The following UPP2 variants were observed in gnomAD, a reference collection of about 807,000 sequenced individuals.
The protein encoded by UPP2 is uridine phosphorylase 2.
Under a neutral mutation model 26.7 loss-of-function variants are expected in UPP2, and 23 were observed. The observed-to-expected ratio is 0.86, with a 90% CI of 0.62 to 1.22. The LOEUF is 1.22. Ranked by LOEUF, UPP2 falls within the 50% of genes most tolerant of loss-of-function variation. UPP2 has a pLI of 0.00. For missense variants in UPP2, 387 were observed against 396.7 expected, an observed-to-expected ratio of 0.98 and a Z score of 0.21; for synonymous variants, 127 against 141.3, an observed-to-expected ratio of 0.90 and a Z score of 0.72.
intron 3 of UPP2, among the ~76,000 whole-genome samples, chr2:158,087,577 G>A (rs181116479): frequency 6.6e-6 from 1 of 151,970 alleles, no homozygotes; most frequent in Non-Finnish European, 1.5e-5. Context: ...TTGTGCTTTT[G>A]TTATATAGAT....
At chr2:158,027,215 T>G (rs973810975) in intron 3 of UPP2, among the ~76,000 whole-genome samples, 4 of 152,212 alleles carry the variant, frequency 2.6e-5, no homozygotes, top group Non-Finnish European at 5.9e-5. Flanking sequence ...AAGTCTCATC[T>G]GAGACAAGGC....
chr2:158,056,786 A>G (rs1682252668), intron 3 of UPP2, among the ~76,000 whole-genome samples: 1 of 152,238 alleles, frequency 6.6e-6, no homozygotes, highest in Non-Finnish European at 1.5e-5. Flanking sequence ...TTACACTGCA[A>G]TGACCTTATT....
At chr2:158,044,077 A>C (rs1208892583) in intron 3 of UPP2, among the ~76,000 whole-genome samples, 1 of 152,234 alleles carries the variant, frequency 6.6e-6, no homozygotes, top group Non-Finnish European at 1.5e-5. Context: ...GATATAATTA[A>C]GCTCTAAAGT....
At chr2:158,042,969 A>T (rs1453294851) in intron 3 of UPP2, among the ~76,000 whole-genome samples, 9 of 152,244 alleles carry the variant, frequency 5.9e-5, no homozygotes, top group Non-Finnish European at 1.3e-4. Context: ...CGCAAAGAGC[A>T]AAGCCAAATG....
intron 3 of UPP2, among the ~76,000 whole-genome samples, chr2:158,027,609 C>G (rs1683854192): frequency 6.6e-6 from 1 of 152,128 alleles, no homozygotes; most frequent in Admixed American, 6.5e-5. Flanking sequence ...ATTCTGGAGT[C>G]TGGAGGATGG....
rs566974527 is a variant in UPP2, at chr2:157,997,240, C to T, written c.61+1981C>T. Among the ~76,000 whole-genome samples, 3 of 152,138 alleles carry T rather than the reference C, an allele frequency of 2.0e-5. No individual in the cohort carries two copies. In the South Asian group the frequency reaches 6.2e-4, roughly 32 times the overall value. ...CACTACATAATATTTTGTGTTTGGACCTCCTATTTTTTTTTATTTTTATTT... is the reference window on the plus strand; with the variant it reads ...CACTACATAATATTTTGTGTTTGGATCTCCTATTTTTTTTTATTTTTATTT... On this transcript the variant is annotated intron_variant, in intron 2 of 9. Coordinates refer to the UPP2 transcript ENST00000605860.
Position 158,115,146 on chromosome 2 carries a change from C to T in UPP2, c.226C>T (p.Leu76=). 1.9e-6 allele frequency: 3 copies of T among 1,612,998 alleles called. No homozygotes were observed. The highest frequency in any genetic ancestry group is 2.5e-6 in the Non-Finnish European group (3 of 1,179,578). ...GSPNRMKAFA[L]FMHKELGFEE... is the part of the protein sequence containing the mutation. ...CCCCAACAGAATGAAAGCATTTGCA[C>T]TGTTTATGCACAAGGAGCTCGGGTT... Residue 76 remains leucine (L), a synonymous_variant, in exon 3 of 7, where the codon CTG becomes TTG. Transcript: ENST00000005756.
chr2:158,117,891 G>A lies in UPP2; in HGVS notation c.407G>A (p.Arg136Gln), dbSNP rs148283386. The A allele has an allele frequency of 9.1e-5, 146 of 1,613,094 alleles. 1 individual carries two copies. The African/African-American group carries it at 1.3e-3, about 14-fold the overall frequency. The change falls in exon 4 of 7, where the codon CGG becomes CAG. Residue 136 changes from arginine (R) to glutamine (Q), a missense_variant. Coordinates refer to ENST00000005756, the MANE Select transcript of UPP2 (RefSeq NM_173355.4). Reference protein sequence around the residue: ...HELIKLLHHARCCDVTIIRIG... With the variant: ...HELIKLLHHAQCCDVTIIRIG... The stretch of plus-strand genomic sequence containing the variant: ...CTCATCAAATTACTCCACCATGCAC[G>A]GTGCTGCGATGTCACCATTATTAGA...
At chr2:158,026,041 T>C (rs1683828237) in intron 3 of UPP2, among the ~76,000 whole-genome samples, 3 of 152,068 alleles carry the variant, frequency 2.0e-5, no homozygotes, top group African/African-American at 4.8e-5. Context: ...GCAGCCTCCA[T>C]AGCTGAGGCC....
intron 3 of UPP2, among the ~76,000 whole-genome samples, chr2:158,052,086 C>T (rs1051407511): frequency 1.3e-5 from 2 of 152,028 alleles, no homozygotes; most frequent in Non-Finnish European, 2.9e-5. Flanking sequence ...TAGAGAACAC[C>T]CTTCATATGT....
intron 3 of UPP2, among the ~76,000 whole-genome samples, chr2:158,082,096 GC>G (rs900327075): frequency 6.6e-6 from 1 of 151,786 alleles, no homozygotes; most frequent in Admixed American, 6.6e-5. Context: ...GACTACAGGT[GC>G]CCATTACCAT....
At chr2:158,039,118 C>T (rs978168965) in intron 3 of UPP2, among the ~76,000 whole-genome samples, 4 of 152,080 alleles carry the variant, frequency 2.6e-5, no homozygotes, top group Admixed American at 2.0e-4. Context: ...TATTTGGGTG[C>T]GTGACGTAAG....
At chr2:158,047,462 T>G (rs1239122710) in intron 3 of UPP2, among the ~76,000 whole-genome samples, 1 of 152,200 alleles carries the variant, frequency 6.6e-6, no homozygotes, top group Admixed American at 6.5e-5. Context: ...AAGAGGAGCA[T>G]GCTGATATAA....
At chr2:158,037,567 C>T (rs183797086) in intron 3 of UPP2, among the ~76,000 whole-genome samples, 170 of 152,142 alleles carry the variant, frequency 1.1e-3, no homozygotes, top group African/African-American at 4.1e-3. Flanking sequence ...AGAGTCTGTT[C>T]CATGCCTCTC....
At chr2:158,016,270 T>C (rs1022216312) in intron 3 of UPP2, among the ~76,000 whole-genome samples, 1 of 152,138 alleles carries the variant, frequency 6.6e-6, no homozygotes, top group Non-Finnish European at 1.5e-5. Flanking sequence ...GATCAAGTTG[T>C]CTCATAAAGG....
At chr2:158,104,383 C>G (rs1320564589) in intron 1 of UPP2, among the ~76,000 whole-genome samples, 2 of 152,068 alleles carry the variant, frequency 1.3e-5, no homozygotes, top group East Asian at 3.9e-4. Flanking sequence ...AGGACAAAGG[C>G]CTGAAGCAGG....
chr2:158,107,602 G>A (rs1021338672), intron 2 of UPP2, among the ~76,000 whole-genome samples: 25 of 152,252 alleles, frequency 1.6e-4, no homozygotes, highest in African/African-American at 4.8e-4. Context: ...AAAAGGGGAG[G>A]AGGAAGAGGT....
chr2:158,094,898 T>A (rs1682962787), intron 3 of UPP2, among the ~76,000 whole-genome samples: 3 of 152,188 alleles, frequency 2.0e-5, no homozygotes, highest in African/African-American at 4.8e-5. Flanking sequence ...GGAGGCTGAT[T>A]TCCCAATGTA....
intron 3 of UPP2, among the ~76,000 whole-genome samples, chr2:158,075,204 T>G (rs1682612047): frequency 6.6e-6 from 1 of 152,200 alleles, no homozygotes; most frequent in East Asian, 1.9e-4. Context: ...CTTTCAGCAT[T>G]GGACAGATCT....
Sources: gnomAD v4.1 joint callset for allele counts (sites outside exome capture counted in the v4.1 genomes callset) on GRCh38, gnomAD v4.1.1 for gene constraint, MANE v1.5 for transcripts, NCBI Gene and HGNC (gene_info 2026-07-23, HGNC 2026-07-21) for gene names.